TGFBR3: variants seen among roughly 807,000 people sequenced by gnomAD.
TGFBR3 encodes transforming growth factor beta receptor 3.
A neutral mutation model predicts 87.9 loss-of-function variants in TGFBR3; 46 were observed. That is an observed-to-expected ratio of 0.52 (90% CI 0.41 to 0.67). TGFBR3 has a LOEUF of 0.67. TGFBR3 is among the 30% of genes least tolerant of loss of function. The pLI, the probability that TGFBR3 is intolerant of heterozygous loss-of-function variation, is 0.00. For missense variants in TGFBR3, 866 were observed against 1,041.9 expected, an observed-to-expected ratio of 0.83 and a Z score of 2.32; for synonymous variants, 381 against 391.6, an observed-to-expected ratio of 0.97 and a Z score of 0.32.
chr1:91,884,065 T>G (rs1679197097), intron 1 of TGFBR3, among the ~76,000 whole-genome samples: 1 of 152,154 alleles, frequency 6.6e-6, no homozygotes, highest in Non-Finnish European at 1.5e-5. Flanking sequence ...CTCACACCTG[T>G]AATCCCAGCA....
chr1:91,766,198 CTTTT>C (rs749978314), intron 3 of TGFBR3, among the ~76,000 whole-genome samples: 1 of 114,456 alleles, frequency 8.7e-6, no homozygotes, highest in East Asian at 2.4e-4. Flanking sequence ...AGTTTGTTTT[CTTTT>C]TTTTTTTTTT....
At chr1:91,713,604 G>C (rs1426317875) in intron 12 of TGFBR3, among the ~76,000 whole-genome samples, 1 of 152,200 alleles carries the variant, frequency 6.6e-6, no homozygotes, top group African/African-American at 2.4e-5. Context: ...GAGATACCCA[G>C]GGGAAACCCC....
chr1:91,698,513 C>CCTTTTTTT (rs1671506619), intron 14 of TGFBR3, among the ~76,000 whole-genome samples: 1 of 120,736 alleles, frequency 8.3e-6, no homozygotes, highest in African/African-American at 3.1e-5. Flanking sequence ...TCAAAATATT[C>CCTTTTTTT]TTTTTTTTTT....
chr1:91,869,414 C>T (rs1678502530), intron 1 of TGFBR3, among the ~76,000 whole-genome samples: 1 of 152,216 alleles, frequency 6.6e-6, no homozygotes, highest in Non-Finnish European at 1.5e-5. Context: ...CCTGTAATCA[C>T]AGCACTTTGG....
intron 14 of TGFBR3, among the ~76,000 whole-genome samples, chr1:91,706,004 A>C (rs144777746): frequency 6.6e-6 from 1 of 152,224 alleles, no homozygotes; most frequent in African/African-American, 2.4e-5. Flanking sequence ...GAATGGATGA[A>C]TTGCTGGAAG....
chr1:91,786,043 C>G (rs72967197), intron 3 of TGFBR3: 47,070 of 365,542 alleles, frequency 0.13, 4,158 homozygotes, highest in African/African-American at 0.3. Context: ...AGATTACAGG[C>G]GTGAGCCACC....
At chr1:91,855,101 A>G (rs1677889053) in intron 2 of TGFBR3, among the ~76,000 whole-genome samples, 1 of 152,238 alleles carries the variant, frequency 6.6e-6, no homozygotes. Context: ...CTTTCTGAGC[A>G]GGAAAATAGC....
At chr1:91,805,696 G>A (rs1222854967) in intron 2 of TGFBR3, among the ~76,000 whole-genome samples, 3 of 151,608 alleles carry the variant, frequency 2.0e-5, no homozygotes, top group South Asian at 2.1e-4. Flanking sequence ...TCCCTGGGCC[G>A]CTGCCTTGTG....
intron 16 of TGFBR3, among the ~76,000 whole-genome samples, chr1:91,685,950 T>C (rs1395055545): frequency 6.6e-6 from 1 of 152,206 alleles, no homozygotes; most frequent in Non-Finnish European, 1.5e-5. Context: ...CTAATGTGGC[T>C]ATGCATGAAC....
Position 91,720,226 on chromosome 1 carries a change from C to T in TGFBR3, c.1080G>A (p.Glu360=). 1 of 1,588,886 alleles carries T rather than the reference C, an allele frequency of 6.3e-7. No homozygotes were observed. The highest frequency in any genetic ancestry group is 8.6e-7 in the Non-Finnish European group (1 of 1,166,632). Residue 360 remains glutamate, a synonymous_variant, in exon 9 of 17, where the codon GAG becomes GAA. Transcript: ENST00000212355. ...TGTGGACTTCCTCATCTCCCATCTC[C>T]TCTGCTGGTGAAAGAAGAAGGCAAA... ...RFHLRLENNA[E]EMGDEEVHTI... is the part of the protein sequence containing the mutation.
At position 91,783,961 on chromosome 1, in the gene TGFBR3, T is replaced by G. The variant is rs1354156936; in HGVS notation, c.246+13326A>C. On this transcript the variant is annotated intron_variant, in intron 3 of 16. Coordinates refer to ENST00000212355, the MANE Select transcript of TGFBR3 (RefSeq NM_003243.5). ...ACAGATCATTCTCAATGGCCCAACT[T>G]CAAACCTGGCTCAGATCAAATGAGC... is the stretch of plus-strand genomic sequence containing the variant. Among the ~76,000 whole-genome samples the G allele has an allele frequency of 3.3e-5, 5 of 152,146 alleles. No individual in the cohort carries two copies. The East Asian group carries it at 7.7e-4, about 23-fold the overall frequency.
In TGFBR3 at chr1:91,708,339, A is replaced by T. The variant is rs1671864654; in HGVS notation, c.2287+324T>A. On this transcript the variant is annotated intron_variant, in intron 14 of 16. Coordinates refer to ENST00000212355, the MANE Select transcript of TGFBR3 (RefSeq NM_003243.5). Reference sequence around the variant, plus strand: ...GTGGATTGTGTGCAATTCCCGGGACATGGGACTAACTAGAACCCTTTTTTG... The same window carrying T: ...GTGGATTGTGTGCAATTCCCGGGACTTGGGACTAACTAGAACCCTTTTTTG... Among the ~76,000 whole-genome samples the T allele has an allele frequency of 2.0e-5, 3 of 152,200 alleles. No individual in the cohort carries two copies. In the South Asian group the frequency reaches 6.2e-4, roughly 31 times the overall value.
chr1:91,800,322 A>G (rs886994489), intron 2 of TGFBR3, among the ~76,000 whole-genome samples: 21 of 87,408 alleles, frequency 2.4e-4, no homozygotes, highest in Middle Eastern at 5.3e-3. Context: ...ATGTATATAT[A>G]TGTGTATATG....
At chr1:91,807,742 T>G (rs1675887250) in intron 2 of TGFBR3, among the ~76,000 whole-genome samples, 1 of 152,174 alleles carries the variant, frequency 6.6e-6, no homozygotes. Flanking sequence ...TGACCTGAAG[T>G]GAAGCAGTGG....
At chr1:91,687,650 A>G (rs1237038477) in intron 16 of TGFBR3, among the ~76,000 whole-genome samples, 1 of 152,212 alleles carries the variant, frequency 6.6e-6, no homozygotes, top group African/African-American at 2.4e-5. Flanking sequence ...CATGAGGATT[A>G]TTACAAATAG....
intron 10 of TGFBR3, among the ~76,000 whole-genome samples, chr1:91,718,913 G>T (rs1396901873): frequency 6.6e-6 from 1 of 152,168 alleles, no homozygotes; most frequent in South Asian, 2.1e-4. Context: ...AGACTCAAAT[G>T]AGGCCAGAGA....
intron 14 of TGFBR3, 82 bp downstream of exon 14, chr1:91,708,581 C>G: frequency 6.2e-7 from 1 of 1,604,040 alleles, no homozygotes; most frequent in South Asian, 1.1e-5. Flanking sequence ...GTGAATAAAG[C>G]TGGACTTTGA....
intron 1 of TGFBR3, chr1:91,864,070 A>C (rs1678294297): frequency 6.6e-6 from 1 of 152,228 alleles, no homozygotes; most frequent in South Asian, 2.1e-4. Flanking sequence ...ATTTCAGCAA[A>C]TGTTAAAGAC....
intron 3 of TGFBR3, chr1:91,786,285 T>C (rs1674957348): frequency 2.2e-6 from 1 of 456,000 alleles, no homozygotes; most frequent in Non-Finnish European, 4.4e-6. Flanking sequence ...TTTGGTTTTA[T>C]GAAGAGGTTC....
Sources: allele counts gnomAD v4.1 joint callset (sites outside exome capture counted in the v4.1 genomes callset), GRCh38; gene constraint gnomAD v4.1.1; transcripts MANE v1.5; gene names NCBI Gene and HGNC (gene_info 2026-07-23, HGNC 2026-07-21).